The following STPG2 variants were observed in gnomAD, a reference collection of about 807,000 sequenced individuals.
STPG2 encodes sperm tail PG-rich repeat containing 2.
Under a neutral mutation model 54.2 loss-of-function variants are expected in STPG2, and 56 were observed. The observed-to-expected ratio is 1.03, with a 90% CI of 0.83 to 1.29. The LOEUF is 1.29. Among genes scored for constraint, STPG2 ranks in the 50% most tolerant of loss-of-function variants. The probability of loss-of-function intolerance (pLI) is 0.00; values close to 1 mark genes in which losing one functional copy is unlikely to be tolerated. For synonymous variants in STPG2, 200 were observed against 181.8 expected (o/e 1.10, Z -0.81); for missense variants, 596 against 544.9 (o/e 1.09, Z -0.93).
chr4:98,010,888 G>A (rs1156965353), intron 5 of STPG2, among the ~76,000 whole-genome samples: 9 of 152,082 alleles, frequency 5.9e-5, no homozygotes, highest in Non-Finnish European at 1.0e-4. Context: ...AACTTCAACT[G>A]CATATAAAAA....
At chr4:97,700,634 CA>C (rs1303053184) in intron 10 of STPG2, among the ~76,000 whole-genome samples, 1 of 152,166 alleles carries the variant, frequency 6.6e-6, no homozygotes, top group Non-Finnish European at 1.5e-5. Flanking sequence ...TGGATCTAAT[CA>C]AAATAATGTC....
chr4:98,096,143 C>T (rs1230495507), intron 5 of STPG2, among the ~76,000 whole-genome samples: 1 of 152,062 alleles, frequency 6.6e-6, no homozygotes, highest in African/African-American at 2.4e-5. Context: ...ACCTGTAATC[C>T]CAGCACTTTG....
intron 7 of STPG2, among the ~76,000 whole-genome samples, chr4:97,949,143 A>T (rs550606204): frequency 1.3e-5 from 2 of 151,962 alleles, no homozygotes; most frequent in Non-Finnish European, 2.9e-5. Flanking sequence ...CGTTGAATTG[A>T]TCCTTTTATC....
intron 4 of STPG2, among the ~76,000 whole-genome samples, chr4:97,454,806 T>C (rs999582294): frequency 6.6e-6 from 1 of 152,124 alleles, no homozygotes; most frequent in Non-Finnish European, 1.5e-5. Context: ...TTGTTTTATA[T>C]AATAAGAAAG....
chr4:97,886,878 A>G (rs535779517), intron 8 of STPG2, among the ~76,000 whole-genome samples: 9 of 152,272 alleles, frequency 5.9e-5, no homozygotes, highest in African/African-American at 2.2e-4. Flanking sequence ...TGTTCTGGTG[A>G]TAGTAAGTTA....
intron 9 of STPG2, among the ~76,000 whole-genome samples, chr4:97,808,659 G>T (rs1253830677): frequency 7.1e-6 from 1 of 139,864 alleles, no homozygotes. Context: ...CTAATTAAAA[G>T]ATAAAAATTT....
intron 8 of STPG2, among the ~76,000 whole-genome samples, chr4:97,857,243 T>C (rs1729366414): frequency 6.6e-6 from 1 of 152,114 alleles, no homozygotes; most frequent in African/African-American, 2.4e-5. Flanking sequence ...TTACCAGCTC[T>C]TCTTTGTAGC....
intron 10 of STPG2, among the ~76,000 whole-genome samples, chr4:97,607,898 A>G (rs1733634623): frequency 6.6e-6 from 1 of 151,996 alleles, no homozygotes; most frequent in African/African-American, 2.4e-5. Flanking sequence ...ACCCCACACA[A>G]GTACACATGA....
In STPG2 at chr4:98,015,952, C is replaced by T. The variant is rs144246193; in HGVS notation, c.613-34634G>A. ...AACCATTATTCTCAGCAAACTAACA[C>T]AAGGACAGAAAACCAAACATCGCAT... On this transcript the variant is annotated intron_variant, in intron 5 of 10. Coordinates refer to ENST00000295268, the MANE Select transcript of STPG2 (RefSeq NM_174952.3). 3.7e-3 allele frequency among the ~76,000 whole-genome samples: 562 copies of T among 152,208 alleles called. 7 individuals are homozygous for T. Among genetic ancestry groups the T allele is most frequent in the Non-Finnish European group, 5.2e-3 (356 of 68,024 alleles).
chr4:97,633,453 G>T (rs955501094), intron 10 of STPG2: 3 of 152,018 alleles, frequency 2.0e-5, no homozygotes, highest in African/African-American at 7.2e-5. Flanking sequence ...AACATAAAAA[G>T]ATATTTAAAA....
At chr4:97,956,433 T>C (rs1375784472) in intron 7 of STPG2, among the ~76,000 whole-genome samples, 2 of 152,080 alleles carry the variant, frequency 1.3e-5, no homozygotes, top group Non-Finnish European at 1.5e-5. Context: ...CAGAACTAGA[T>C]GGCATCCCAC....
At chr4:97,649,106 A>G (rs2148951784) in intron 10 of STPG2, among the ~76,000 whole-genome samples, 1 of 152,310 alleles carries the variant, frequency 6.6e-6, no homozygotes, top group South Asian at 2.1e-4. Context: ...GAATAGGAGC[A>G]GGAAAAACAT....
chr4:97,894,262 T>C (rs1578662431), intron 8 of STPG2, among the ~76,000 whole-genome samples: 1 of 152,082 alleles, frequency 6.6e-6, no homozygotes, highest in Admixed American at 6.6e-5. Context: ...TATTTATTTA[T>C]ACATCACCTT....
At chr4:98,001,444 C>T (rs880472) in intron 5 of STPG2, among the ~76,000 whole-genome samples, 1 of 151,376 alleles carries the variant, frequency 6.6e-6, no homozygotes, top group East Asian at 1.9e-4. Flanking sequence ...CCACAGAGTT[C>T]CTTAATGTCA....
At chr4:97,522,467 G>A (rs748948697) in intron 4 of STPG2, among the ~76,000 whole-genome samples, 17 of 151,944 alleles carry the variant, frequency 1.1e-4, no homozygotes, top group Non-Finnish European at 2.4e-4. Context: ...GAATATGGTC[G>A]AAATGAAATA....
At chr4:97,954,029 G>C (rs783954) in intron 7 of STPG2, among the ~76,000 whole-genome samples, 1 of 152,174 alleles carries the variant, frequency 6.6e-6, no homozygotes, top group Non-Finnish European at 1.5e-5. Flanking sequence ...AAATTATTAC[G>C]TTAAAAATTT....
intron 10 of STPG2, among the ~76,000 whole-genome samples, chr4:97,682,183 A>G (rs1331406695): frequency 6.6e-6 from 1 of 151,786 alleles, no homozygotes; most frequent in Non-Finnish European, 1.5e-5. Flanking sequence ...GGCATACAAA[A>G]GATCTATTAA....
At chr4:97,585,101 C>CAAAAAAAAAAAAAAAAAAAAAAAA (rs60854805) in intron 10 of STPG2, among the ~76,000 whole-genome samples, 2 of 46,254 alleles carry the variant, frequency 4.3e-5, no homozygotes, top group Non-Finnish European at 6.9e-5. Context: ...AAAATATTCT[C>CAAAAAAAAAAAAAAAAAAAAAAAA]AAAAAAAAAA....
intron 9 of STPG2, among the ~76,000 whole-genome samples, chr4:97,836,814 T>C (rs139335308): frequency 1.9e-3 from 293 of 150,452 alleles, no homozygotes; most frequent in African/African-American, 7.0e-3. Context: ...CATATATTAT[T>C]CATTAATTAA....
Sources: gnomAD v4.1 joint callset for allele counts (sites outside exome capture counted in the v4.1 genomes callset) on GRCh38, gnomAD v4.1.1 for gene constraint, MANE v1.5 for transcripts, NCBI Gene and HGNC (gene_info 2026-07-23, HGNC 2026-07-21) for gene names.